ARRB1: variants seen among roughly 807,000 people sequenced by gnomAD.
The protein encoded by ARRB1 is arrestin beta 1, also known as beta-arrestin-1.
In ARRB1, 21 loss-of-function variants were observed where a neutral mutation model predicts 56.8. The observed-to-expected ratio is 0.37, with a 90% CI of 0.26 to 0.53. The LOEUF (loss-of-function observed/expected upper bound fraction) is 0.53, where lower values mean the gene tolerates loss of function less well. Ranked by LOEUF, ARRB1 falls within the 20% of genes least tolerant of loss-of-function variation. ARRB1 has a pLI of 0.88. For synonymous variants in ARRB1, 210 were observed against 218.6 expected (o/e 0.96, Z 0.35); for missense variants, 424 against 553.7 (o/e 0.77, Z 2.35).
intron 1 of ARRB1, among the ~76,000 whole-genome samples, chr11:75,330,159 GC>G (rs1947497789): frequency 6.6e-6 from 1 of 152,164 alleles, no homozygotes; most frequent in Admixed American, 6.5e-5. Flanking sequence ...CTACACAGCT[GC>G]CACGTGAACC....
intron 10 of ARRB1, 142 bp from the exon 11 acceptor site, chr11:75,274,353 T>G (rs1946144302): frequency 1.6e-6 from 2 of 1,224,932 alleles, no homozygotes; most frequent in Admixed American, 4.8e-5. Flanking sequence ...CACGGACCAC[T>G]TGGGCCAGCC....
chr11:75,281,187 G>T, intron 6 of ARRB1, 45 bp from the exon 7 acceptor site: 5 of 1,548,956 alleles, frequency 3.2e-6, no homozygotes, highest in South Asian at 1.2e-5. Flanking sequence ...GAGAAGCAGG[G>T]TCCCCAGTAC....
chr11:75,348,644 C>T (rs1439035573), intron 1 of ARRB1, among the ~76,000 whole-genome samples: 5 of 151,756 alleles, frequency 3.3e-5, no homozygotes, highest in Non-Finnish European at 5.9e-5. Flanking sequence ...CTCATCCAGG[C>T]TGGAGTGCAG....
At chr11:75,295,609 T>C (rs1166196191) in intron 1 of ARRB1, among the ~76,000 whole-genome samples, 1 of 152,222 alleles carries the variant, frequency 6.6e-6, no homozygotes, top group Non-Finnish European at 1.5e-5. Context: ...TAACTCCATC[T>C]GCAACCGTCA....
intron 1 of ARRB1, 58 bp downstream of exon 1, chr11:75,351,530 G>C: frequency 6.7e-7 from 1 of 1,496,346 alleles, no homozygotes; most frequent in African/African-American, 1.5e-5. Context: ...GCCCCCGCCC[G>C]TGTCCTCGCC....
chr11:75,290,202 T>C (rs531313220), intron 1 of ARRB1, among the ~76,000 whole-genome samples, 163 bp from the exon 2 acceptor site: 1 of 152,278 alleles, frequency 6.6e-6, no homozygotes, highest in African/African-American at 2.4e-5. Flanking sequence ...GCTCTTACCA[T>C]CTCCACTGGT....
chr11:75,304,231 AT>A (rs1410019686), intron 1 of ARRB1, among the ~76,000 whole-genome samples: 3 of 152,224 alleles, frequency 2.0e-5, no homozygotes, highest in African/African-American at 7.2e-5. Flanking sequence ...TAAGATATTA[AT>A]TCAAAAACAT....
At position 75,288,021 on chromosome 11, in the gene ARRB1, C is replaced by T. The variant is rs1003320211; in HGVS notation, c.52-646G>A. On this transcript the variant is annotated intron_variant, in intron 2 of 15. Coordinates refer to ENST00000420843, the MANE Select transcript of ARRB1 (RefSeq NM_004041.5). ...GGGATTACAGGCATGCACCACCACA[C>T]GCAGCTAATTTTTGCATTTATAGTA... 5.9e-5 allele frequency among the ~76,000 whole-genome samples: 9 copies of T among 152,110 alleles called. No homozygotes were observed. The East Asian group carries it at 1.3e-3, about 23-fold the overall frequency.
At chr11:75,320,117 A>C (rs1251564263) in intron 1 of ARRB1, among the ~76,000 whole-genome samples, 3 of 152,092 alleles carry the variant, frequency 2.0e-5, no homozygotes, top group Admixed American at 2.0e-4. Context: ...GCTTCAACAG[A>C]GGAGGAAGAG....
chr11:75,303,916 T>C (rs1390079688), intron 1 of ARRB1, among the ~76,000 whole-genome samples: 1 of 152,252 alleles, frequency 6.6e-6, no homozygotes, highest in Non-Finnish European at 1.5e-5. Context: ...CAGTCACTTA[T>C]GTTCCTTGGT....
At chr11:75,309,316 C>T (rs566926513) in intron 1 of ARRB1, among the ~76,000 whole-genome samples, 85 of 152,398 alleles carry the variant, frequency 5.6e-4, no homozygotes, top group Non-Finnish European at 9.4e-4. Flanking sequence ...ACACCCCTGC[C>T]TTGGTGGGAA....
intron 1 of ARRB1, among the ~76,000 whole-genome samples, chr11:75,302,493 G>A (rs1434258511): frequency 6.6e-6 from 1 of 152,228 alleles, no homozygotes; most frequent in Non-Finnish European, 1.5e-5. Context: ...ATACCAAAGA[G>A]CCCACAGACT....
intron 1 of ARRB1, among the ~76,000 whole-genome samples, chr11:75,348,639 C>T (rs1947807049): frequency 6.6e-6 from 1 of 151,832 alleles, no homozygotes. Flanking sequence ...ACTCTCTCAT[C>T]CAGGCTGGAG....
At chr11:75,293,870 G>A (rs939077843) in intron 1 of ARRB1, among the ~76,000 whole-genome samples, 7 of 152,160 alleles carry the variant, frequency 4.6e-5, no homozygotes, top group Admixed American at 3.9e-4. Flanking sequence ...CTCCTCCCGG[G>A]GCTTCATTTT....
intron 15 of ARRB1, 99 bp from the exon 16 acceptor site, chr11:75,266,373 G>A: frequency 1.0e-6 from 1 of 980,134 alleles, no homozygotes; most frequent in Middle Eastern, 2.4e-4. Context: ...TATGGCTCTG[G>A]GGCCGGGGAG....
intron 1 of ARRB1, among the ~76,000 whole-genome samples, chr11:75,334,529 C>T (rs1206209103): frequency 6.6e-6 from 1 of 152,176 alleles, no homozygotes; most frequent in Non-Finnish European, 1.5e-5. Flanking sequence ...TCCCCTGAGC[C>T]ATCTCCATCC....
intron 1 of ARRB1, among the ~76,000 whole-genome samples, chr11:75,325,236 G>C (rs2140499992): frequency 6.6e-6 from 1 of 152,240 alleles, no homozygotes; most frequent in Non-Finnish European, 1.5e-5. Context: ...GGCTACCAGA[G>C]GGGTGGGGCA....
chr11:75,346,590 A>G (rs903339636), intron 1 of ARRB1, among the ~76,000 whole-genome samples: 2 of 151,894 alleles, frequency 1.3e-5, no homozygotes, highest in African/African-American at 4.8e-5. Context: ...TCACCACTCC[A>G]CCAAAACCCA....
intron 13 of ARRB1, among the ~76,000 whole-genome samples, chr11:75,270,528 T>C (rs1342716394): frequency 1.3e-5 from 2 of 151,646 alleles, no homozygotes; most frequent in South Asian, 4.2e-4. Flanking sequence ...CTTGGGAGGC[T>C]GAGGCAGAGA....
Sources: allele counts gnomAD v4.1 joint callset (sites outside exome capture counted in the v4.1 genomes callset), GRCh38; gene constraint gnomAD v4.1.1; transcripts MANE v1.5; gene names NCBI Gene and HGNC (gene_info 2026-07-23, HGNC 2026-07-21).